The following GABRA2 variants were observed in gnomAD, a reference collection of about 807,000 sequenced individuals.
The protein encoded by GABRA2 is gamma-aminobutyric acid type A receptor subunit alpha2, also known as gamma-aminobutyric acid receptor subunit alpha-2.
In GABRA2, 16 loss-of-function variants were observed where a neutral mutation model predicts 48.7. The ratio of observed to expected loss-of-function variants is 0.33; its 90% CI spans 0.22 to 0.50. GABRA2 has a LOEUF of 0.50. GABRA2 is among the 20% of genes least tolerant of loss of function. The pLI, the probability that GABRA2 is intolerant of heterozygous loss-of-function variation, is 0.98. For synonymous variants in GABRA2, 185 were observed against 184.5 expected, an observed-to-expected ratio of 1.00 and a Z score of -0.02; for missense variants, 275 against 535.6, an observed-to-expected ratio of 0.51 and a Z score of 4.80.
At chr4:46,304,996 G>A (rs1184741503) in intron 7 of GABRA2, among the ~76,000 whole-genome samples, 1 of 151,044 alleles carries the variant, frequency 6.6e-6, no homozygotes, top group East Asian at 2.0e-4. Context: ...AGACACATAT[G>A]TTGCAAATAC....
At chr4:46,302,199 G>A (rs1431227000) in intron 8 of GABRA2, among the ~76,000 whole-genome samples, 1 of 151,768 alleles carries the variant, frequency 6.6e-6, no homozygotes, top group African/African-American at 2.4e-5. Flanking sequence ...CTCCCAAGTA[G>A]TGGCAACTAT....
At position 46,248,475 on chromosome 4, in the gene GABRA2, T is replaced by G. The variant is rs1488868518; in HGVS notation, c.*1833A>C. Reference sequence around the variant, plus strand: ...GGCTCATGTAACAATTTTATTTTATTAAGGATTATGGATTACCTCTTGTGA... The same window carrying G: ...GGCTCATGTAACAATTTTATTTTATGAAGGATTATGGATTACCTCTTGTGA... On this transcript the variant is annotated 3_prime_UTR_variant, in exon 10 of 10. Coordinates refer to ENST00000381620, the MANE Select transcript of GABRA2 (RefSeq NM_000807.4). 1 of 151,452 alleles carries G rather than the reference T, an allele frequency of 6.6e-6. No homozygotes were observed. The highest frequency in any genetic ancestry group is 1.5e-5 in the Non-Finnish European group (1 of 67,598). 9.4% of individuals were successfully genotyped at this position (151,452 alleles called of 1,614,324 possible). A position where few individuals can be genotyped will look rare whatever the true frequency, so the allele number is the denominator to read the frequency against.
intron 8 of GABRA2, among the ~76,000 whole-genome samples, chr4:46,275,063 G>A (rs571464820): frequency 2.4e-3 from 361 of 152,110 alleles, no homozygotes; most frequent in Non-Finnish European, 3.9e-3. Context: ...CGCGGCTCTC[G>A]TGGAAAAAGA....
At chr4:46,330,926 T>A (rs1731248060) in intron 4 of GABRA2, among the ~76,000 whole-genome samples, 1 of 152,106 alleles carries the variant, frequency 6.6e-6, no homozygotes, top group African/African-American at 2.4e-5. Context: ...TAAGACAAGC[T>A]ACACTAAGAC....
Position 46,311,572 on chromosome 4 carries a change from T to C in GABRA2, c.476+924A>G, listed in dbSNP as rs976912195. 2.0e-4 allele frequency among the ~76,000 whole-genome samples: 31 copies of C among 152,184 alleles called. 1 individual carries two copies. The highest frequency in any genetic ancestry group is 7.0e-4 in the African/African-American group (29 of 41,452). ...ATTCATGAATATGCTTAAGATGTAA[T>C]AGGTTTTAGGATCAACAACTATTTA... On this transcript the variant is annotated intron_variant, in intron 5 of 9. Coordinates refer to ENST00000381620, the MANE Select transcript of GABRA2 (RefSeq NM_000807.4).
chr4:46,305,754 A>G (rs1202240924), intron 6 of GABRA2, 43 bp from the exon 7 acceptor site: 2 of 1,426,306 alleles, frequency 1.4e-6, no homozygotes, highest in African/African-American at 1.4e-5. Context: ...TTTAGTAAGA[A>G]CCATCAATCT....
Position 46,316,880 on chromosome 4 carries a change from G to A in GABRA2, c.256-4164C>T, listed in dbSNP as rs551509556. On this transcript the variant is annotated intron_variant, in intron 4 of 9. Transcript: ENST00000381620. The stretch of plus-strand genomic sequence containing the variant: ...TTTCTTTCTCTTGACAATGGCAGAA[G>A]TACAAAAGAACAAACTCCAATGCAC... 1.4e-3 allele frequency among the ~76,000 whole-genome samples: 212 copies of A among 152,026 alleles called. 1 individual carries two copies. The highest frequency in any genetic ancestry group is 5.0e-3 in the African/African-American group (206 of 41,540).
Position 46,312,554 on chromosome 4 carries a change from T to C in GABRA2, c.418A>G (p.Thr140Ala). 6.2e-7 allele frequency: 1 copy of C among 1,605,256 alleles called. No homozygotes were observed. The highest frequency in any genetic ancestry group is 1.1e-5 in the South Asian group (1 of 88,998). ...ATTCGAAGCAACTTATTTGGCATTG[T>C]CATATTATGAGCTACTGATTTTTTC... Reference protein sequence around the residue: ...NGKKSVAHNMTMPNKLLRIQD... With the variant: ...NGKKSVAHNMAMPNKLLRIQD... The change falls in exon 5 of 10, where the codon ACA becomes GCA. Residue 140 changes from threonine (T) to alanine (A), a missense_variant. By Grantham distance (58) the Thr-to-Ala change is moderately conservative (BLOSUM62 0). This residue lies in a region of GABRA2 where 113 missense variants were observed against 257.1 expected (regional missense o/e 0.44). Transcript: ENST00000381620.
chr4:46,345,351 T>A (rs1346567517), intron 3 of GABRA2, among the ~76,000 whole-genome samples: 2 of 151,874 alleles, frequency 1.3e-5, no homozygotes, highest in African/African-American at 4.8e-5. Context: ...CAGCTCGTTG[T>A]CCATATTCCC....
At chr4:46,318,648 G>A (rs937944889) in intron 4 of GABRA2, among the ~76,000 whole-genome samples, 2 of 151,358 alleles carry the variant, frequency 1.3e-5, no homozygotes, top group South Asian at 2.1e-4. Flanking sequence ...AATAAAAAAC[G>A]GTCTAACTCC....
intron 4 of GABRA2, among the ~76,000 whole-genome samples, chr4:46,319,891 A>C (rs1045459561): frequency 7.2e-5 from 11 of 151,922 alleles, no homozygotes; most frequent in African/African-American, 2.6e-4. Context: ...TGTCATTTAA[A>C]ATTCATAACA....
intron 4 of GABRA2, among the ~76,000 whole-genome samples, chr4:46,312,995 T>C (rs1727910214): frequency 6.6e-6 from 1 of 151,996 alleles, no homozygotes; most frequent in South Asian, 2.1e-4. Context: ...TCAGTCAAAC[T>C]GCTCCACTAC....
chr4:46,297,476 C>CATATATAT (rs56201706), intron 8 of GABRA2, among the ~76,000 whole-genome samples: 1,255 of 87,288 alleles, frequency 0.014, 55 homozygotes, highest in South Asian at 0.019. Flanking sequence ...AATAAAATCC[C>CATATATAT]ATATATATAT....
intron 9 of GABRA2, chr4:46,261,698 C>T (rs368142468): frequency 5.0e-6 from 3 of 602,038 alleles, no homozygotes; most frequent in Admixed American, 2.9e-5. Flanking sequence ...TAGCACAGTG[C>T]CTGACACATA....
chr4:46,295,727 G>T (rs112596996), intron 8 of GABRA2, among the ~76,000 whole-genome samples: 2,379 of 152,298 alleles, frequency 0.016, 66 homozygotes, highest in African/African-American at 0.055. Flanking sequence ...ATTCCTCGGG[G>T]TGATCAGCCC....
intron 3 of GABRA2, among the ~76,000 whole-genome samples, chr4:46,377,447 C>A (rs1715947772): frequency 6.7e-6 from 1 of 148,184 alleles, no homozygotes; most frequent in South Asian, 2.2e-4. Context: ...AGTGAGGAGA[C>A]CCTCTGCCTG....
At chr4:46,283,808 G>A (rs1002583665) in intron 8 of GABRA2, among the ~76,000 whole-genome samples, 7 of 152,158 alleles carry the variant, frequency 4.6e-5, no homozygotes, top group Admixed American at 1.3e-4. Flanking sequence ...CACCCAGGCC[G>A]GAGTGCAGTG....
upstream of GABRA2, chr4:46,390,193 T>TC (rs1167391041): frequency 2.6e-4 from 16 of 62,148 alleles, no homozygotes; most frequent in African/African-American, 4.2e-4. Context: ...GGGCCCCCCC[T>TC]CCCCCCCCTC....
intron 4 of GABRA2, among the ~76,000 whole-genome samples, chr4:46,314,336 A>G (rs990054460): frequency 2.6e-5 from 4 of 152,078 alleles, no homozygotes; most frequent in Admixed American, 2.0e-4. Context: ...CTTCTGTAAA[A>G]TGAGGTTATG....
Sources: allele counts gnomAD v4.1 joint callset (sites outside exome capture counted in the v4.1 genomes callset), GRCh38; gene constraint gnomAD v4.1.1; regional missense constraint gnomAD v4.1.1; transcripts MANE v1.5; gene names NCBI Gene and HGNC (gene_info 2026-07-23, HGNC 2026-07-21).